The following NKAIN3 variants were observed in gnomAD, a reference collection of about 807,000 sequenced individuals.
NKAIN3 encodes the protein sodium/potassium-transporting ATPase subunit beta-1-interacting protein 3.
NKAIN3 carries 25 observed loss-of-function variants against 30.2 expected under a neutral mutation model. The ratio of observed to expected loss-of-function variants is 0.83; its 90% CI spans 0.60 to 1.16. The LOEUF is 1.16. NKAIN3 is among the 50% of genes most tolerant of loss of function. NKAIN3 has a pLI of 0.00. For synonymous variants in NKAIN3, 91 were observed against 89.6 expected (o/e 1.02, Z -0.09); for missense variants, 225 against 254.1 (o/e 0.89, Z 0.78).
At chr8:62,535,168 T>C (rs1808616173) in intron 1 of NKAIN3, among the ~76,000 whole-genome samples, 6 of 152,160 alleles carry the variant, frequency 3.9e-5, no homozygotes, top group Admixed American at 3.9e-4. Flanking sequence ...ACACTATTTG[T>C]CTCATTGAAG....
chr8:62,732,779 T>C (rs1278229077), intron 3 of NKAIN3, among the ~76,000 whole-genome samples: 1 of 152,088 alleles, frequency 6.6e-6, no homozygotes, highest in Non-Finnish European at 1.5e-5. Context: ...CTATTTTGTC[T>C]GATACTAGTA....
intron 1 of NKAIN3, among the ~76,000 whole-genome samples, chr8:62,512,266 A>G (rs546918227): frequency 1.2e-4 from 19 of 152,214 alleles, no homozygotes; most frequent in African/African-American, 4.1e-4. Flanking sequence ...TTGATGGAAG[A>G]CTGTGTGTTT....
intron 3 of NKAIN3, among the ~76,000 whole-genome samples, chr8:62,635,726 GCATGAA>G (rs1812105381): frequency 6.6e-6 from 1 of 152,152 alleles, no homozygotes; most frequent in Non-Finnish European, 1.5e-5. Context: ...CACCAAATCT[GCATGAA>G]CCTTCATCTT....
chr8:62,945,939 C>T (rs563525350), intron 5 of NKAIN3, among the ~76,000 whole-genome samples: 1 of 152,278 alleles, frequency 6.6e-6, no homozygotes, highest in Admixed American at 6.5e-5. Flanking sequence ...ATCCATTTTG[C>T]ATAGTATTGC....
rs186258003 is a variant in NKAIN3 at position 62,680,333 on chromosome 8, C to T, written c.274-66599C>T. Reference sequence around the variant, plus strand: ...GTGGAACTCTAAGCACAATTCCAGCCAAAACCATCTGTTTTCCTACCTGCA... The same window carrying T: ...GTGGAACTCTAAGCACAATTCCAGCTAAAACCATCTGTTTTCCTACCTGCA... On this transcript the variant is annotated intron_variant, in intron 3 of 6. Coordinates refer to ENST00000623646, the MANE Select transcript of NKAIN3 (RefSeq NM_001304533.3). Among the ~76,000 whole-genome samples the T allele has an allele frequency of 2.6e-5, 4 of 152,256 alleles. No individual in the cohort carries two copies. The East Asian group carries it at 7.7e-4, about 29-fold the overall frequency.
intron 1 of NKAIN3, among the ~76,000 whole-genome samples, chr8:62,437,741 A>G (rs1372483980): frequency 6.6e-6 from 1 of 152,196 alleles, no homozygotes; most frequent in African/African-American, 2.4e-5. Flanking sequence ...TTAATACCCA[A>G]ATAGAGGAAT....
chr8:62,914,723 C>T (rs1260380815), intron 4 of NKAIN3, among the ~76,000 whole-genome samples: 2 of 148,346 alleles, frequency 1.3e-5, no homozygotes, highest in African/African-American at 2.5e-5. Context: ...ATACTTCATA[C>T]ATTAAAACTT....
intron 1 of NKAIN3, among the ~76,000 whole-genome samples, chr8:62,537,978 TG>T (rs2129874189): frequency 6.6e-6 from 1 of 152,222 alleles, no homozygotes; most frequent in African/African-American, 2.4e-5. Flanking sequence ...GGCCTCACAG[TG>T]GATGGCAACT....
rs117140506 is a variant in NKAIN3 at position 62,420,363 on chromosome 8, C to T, written c.55-159176C>T. On this transcript the variant is annotated intron_variant, in intron 1 of 6. Coordinates refer to ENST00000623646, the MANE Select transcript of NKAIN3 (RefSeq NM_001304533.3). ...ATTGTACTCAACTTAAAGGGTGATTCCAATTACATAGTCAATTAGTATTCC... is the reference window on the plus strand; with the variant it reads ...ATTGTACTCAACTTAAAGGGTGATTTCAATTACATAGTCAATTAGTATTCC... Among the ~76,000 whole-genome samples, 901 of 152,198 alleles carry T rather than the reference C, an allele frequency of 5.9e-3. 3 individuals carry two copies. Among genetic ancestry groups the T allele is most frequent in the Non-Finnish European group, 9.6e-3 (653 of 68,012 alleles).
chr8:62,916,507 T>C (rs1822109388), intron 4 of NKAIN3, among the ~76,000 whole-genome samples: 1 of 152,196 alleles, frequency 6.6e-6, no homozygotes, highest in Non-Finnish European at 1.5e-5. Flanking sequence ...AAGGCAATTT[T>C]GTTTGTTCTC....
intron 1 of NKAIN3, among the ~76,000 whole-genome samples, chr8:62,415,096 CATATA>C (rs1456511219): frequency 2.9e-5 from 4 of 138,082 alleles, no homozygotes; most frequent in South Asian, 4.3e-4. Context: ...TACTATATTA[CATATA>C]ATATATATTA....
At chr8:62,424,906 A>G (rs1804758771) in intron 1 of NKAIN3, among the ~76,000 whole-genome samples, 1 of 151,940 alleles carries the variant, frequency 6.6e-6, no homozygotes, top group South Asian at 2.1e-4. Flanking sequence ...TGACAGATGA[A>G]TAGATACAGA....
chr8:62,530,868 C>T (rs1308492362), intron 1 of NKAIN3, among the ~76,000 whole-genome samples: 2 of 152,064 alleles, frequency 1.3e-5, no homozygotes, highest in African/African-American at 4.8e-5. Context: ...TGGTCTTGAA[C>T]TCCCGACCTC....
At chr8:62,516,507 G>C (rs1303167720) in intron 1 of NKAIN3, among the ~76,000 whole-genome samples, 2 of 151,996 alleles carry the variant, frequency 1.3e-5, no homozygotes, top group Non-Finnish European at 2.9e-5. Context: ...TGTTTTACTT[G>C]TGTCACTTTC....
chr8:62,998,965 A>G (rs975397222), intron 5 of NKAIN3, among the ~76,000 whole-genome samples: 5 of 152,188 alleles, frequency 3.3e-5, no homozygotes, highest in African/African-American at 1.2e-4. Context: ...TTCCCTAATA[A>G]TTAGTGATTT....
intron 1 of NKAIN3, among the ~76,000 whole-genome samples, chr8:62,313,133 A>C (rs953422925): frequency 1.3e-5 from 2 of 152,136 alleles, no homozygotes; most frequent in Non-Finnish European, 2.9e-5. Context: ...TCCAGAAAAG[A>C]AAAAAGAACC....
chr8:62,392,078 A>G (rs1817600340), intron 1 of NKAIN3, among the ~76,000 whole-genome samples: 1 of 152,060 alleles, frequency 6.6e-6, no homozygotes, highest in Admixed American at 6.6e-5. Flanking sequence ...AGTATTTAGT[A>G]GAAGAAACAA....
In NKAIN3 at chr8:62,659,082, A is replaced by T. The variant is rs537825890; in HGVS notation, c.273+69288A>T. On this transcript the variant is annotated intron_variant, in intron 3 of 6. Transcript: ENST00000623646. ...CCCATTTTAGTCAGAAATCATTTGT[A>T]TGGCTATGGAATCACTTCGTCACTG... 3.9e-5 allele frequency among the ~76,000 whole-genome samples: 6 copies of T among 152,284 alleles called. No homozygotes were observed. The South Asian group carries it at 1.2e-3, about 32-fold the overall frequency.
chr8:62,646,891 G>C (rs1812477053), intron 3 of NKAIN3, among the ~76,000 whole-genome samples: 1 of 152,130 alleles, frequency 6.6e-6, no homozygotes, highest in Non-Finnish European at 1.5e-5. Flanking sequence ...AAATGGTACT[G>C]AATGTCAGCT....
Sources: gnomAD v4.1 joint callset for allele counts (sites outside exome capture counted in the v4.1 genomes callset) on GRCh38, gnomAD v4.1.1 for gene constraint, MANE v1.5 for transcripts, NCBI Gene and HGNC (gene_info 2026-07-23, HGNC 2026-07-21) for gene names.